Variants in TXNDC11 observed in about 807,000 individuals in gnomAD.
TXNDC11 encodes the protein thioredoxin domain-containing protein 11.
Under a neutral mutation model 78.0 loss-of-function variants are expected in TXNDC11, and 68 were observed. The observed-to-expected ratio is 0.87, with a 90% CI of 0.72 to 1.07. TXNDC11 has a LOEUF of 1.07. Among genes scored for constraint, TXNDC11 ranks in the 50% least tolerant of loss-of-function variants. TXNDC11 has a pLI of 0.00. For missense variants in TXNDC11, 1,389 were observed against 1,221.8 expected, an observed-to-expected ratio of 1.14 and a Z score of -2.04; for synonymous variants, 571 against 495.2, an observed-to-expected ratio of 1.15 and a Z score of -2.03.
intron 1 of TXNDC11, among the ~76,000 whole-genome samples, chr16:11,741,489 T>A (rs1296763102): frequency 6.6e-6 from 1 of 152,146 alleles, no homozygotes; most frequent in Non-Finnish European, 1.5e-5. Flanking sequence ...CCTCAGAAAC[T>A]CTGCATTTGC....
chr16:11,710,598 C>T (rs1461882785), intron 5 of TXNDC11, among the ~76,000 whole-genome samples: 2 of 152,254 alleles, frequency 1.3e-5, no homozygotes, highest in South Asian at 2.1e-4. Context: ...GCCTGTAATC[C>T]CAGCACTTTG....
intron 5 of TXNDC11, among the ~76,000 whole-genome samples, chr16:11,714,134 T>A (rs2051450828): frequency 6.6e-6 from 1 of 152,014 alleles, no homozygotes; most frequent in Non-Finnish European, 1.5e-5. Flanking sequence ...CCTGACTTCC[T>A]AGGTTCAAAC....
intron 5 of TXNDC11, among the ~76,000 whole-genome samples, chr16:11,706,400 G>A (rs968284674): frequency 9.8e-5 from 15 of 152,308 alleles, no homozygotes; most frequent in South Asian, 8.3e-4. Context: ...TGTGATCGTC[G>A]GCTACAAGGC....
intron 1 of TXNDC11, among the ~76,000 whole-genome samples, chr16:11,737,851 C>CAAAAAAAAAAAAAAAA (rs538318388): frequency 1.8e-5 from 1 of 54,182 alleles, no homozygotes; most frequent in African/African-American, 7.2e-5. Flanking sequence ...CTACGTCTCT[C>CAAAAAAAAAAAAAAAA]AAAAAAAAAA....
chr16:11,718,415 A>C (rs546106942), intron 5 of TXNDC11, among the ~76,000 whole-genome samples: 2 of 152,312 alleles, frequency 1.3e-5, no homozygotes, highest in South Asian at 2.1e-4. Context: ...ATATGTGTCA[A>C]ATGTTTCTCC....
chr16:11,724,027 G>A (rs1364688469), intron 4 of TXNDC11, among the ~76,000 whole-genome samples: 1 of 152,100 alleles, frequency 6.6e-6, no homozygotes, highest in Non-Finnish European at 1.5e-5. Context: ...TAAAAAAGAG[G>A]CCAGCAGCAC....
chr16:11,683,351 C>T (rs932816399), intron 11 of TXNDC11, among the ~76,000 whole-genome samples: 3 of 152,102 alleles, frequency 2.0e-5, no homozygotes, highest in Admixed American at 6.5e-5. Context: ...GCAGTCTGCA[C>T]GCATGGGAGA....
chr16:11,696,167 G>A (rs555983962), intron 7 of TXNDC11, among the ~76,000 whole-genome samples: 5 of 151,970 alleles, frequency 3.3e-5, no homozygotes, highest in Non-Finnish European at 5.9e-5. Flanking sequence ...CACAAAACCC[G>A]GCCTCCTTCC....
chr16:11,718,437 G>A (rs568157531), intron 5 of TXNDC11, among the ~76,000 whole-genome samples: 1 of 152,086 alleles, frequency 6.6e-6, no homozygotes, highest in African/African-American at 2.4e-5. Flanking sequence ...GCCTTGATCT[G>A]TACATACAAT....
At chr16:11,704,230 G>A (rs1009238351) in intron 5 of TXNDC11, among the ~76,000 whole-genome samples, 3 of 152,158 alleles carry the variant, frequency 2.0e-5, no homozygotes, top group Admixed American at 6.5e-5. Context: ...ACAGTACACA[G>A]AATAAGATAA....
chr16:11,727,652 A>C (rs12919035), intron 4 of TXNDC11, among the ~76,000 whole-genome samples: 1 of 148,566 alleles, frequency 6.7e-6, no homozygotes, highest in African/African-American at 2.5e-5. Context: ...CCTAGCTATA[A>C]TTTCCACCCG....
At chr16:11,716,837 A>T (rs2051540195) in intron 5 of TXNDC11, among the ~76,000 whole-genome samples, 1 of 152,216 alleles carries the variant, frequency 6.6e-6, no homozygotes, top group Non-Finnish European at 1.5e-5. Context: ...CAAAGTAAGA[A>T]CTTAGATTAT....
intron 11 of TXNDC11, among the ~76,000 whole-genome samples, chr16:11,683,374 A>G (rs1818586154): frequency 6.6e-6 from 1 of 152,172 alleles, no homozygotes; most frequent in Non-Finnish European, 1.5e-5. Context: ...ACCCCTTTGT[A>G]GGCCTCCTGG....
At chr16:11,680,372 C>T (rs983886693) in intron 11 of TXNDC11, among the ~76,000 whole-genome samples, 5 of 152,226 alleles carry the variant, frequency 3.3e-5, no homozygotes, top group Non-Finnish European at 5.9e-5. Context: ...GACTGTACCC[C>T]CATTCCCCAG....
At chr16:11,708,378 T>C (rs1382387896) in intron 5 of TXNDC11, among the ~76,000 whole-genome samples, 3 of 152,210 alleles carry the variant, frequency 2.0e-5, no homozygotes, top group Non-Finnish European at 2.9e-5. Flanking sequence ...AAAGTGGGGC[T>C]CTAGACCTAT....
At chr16:11,724,983 G>A (rs549999151) in intron 4 of TXNDC11, among the ~76,000 whole-genome samples, 3 of 152,262 alleles carry the variant, frequency 2.0e-5, no homozygotes, top group African/African-American at 7.2e-5. Flanking sequence ...CTGACCTCAT[G>A]ATCTGCCCGC....
chr16:11,700,756 C>T (rs2050990765), intron 5 of TXNDC11, among the ~76,000 whole-genome samples, 192 bp from the exon 6 acceptor site: 1 of 152,208 alleles, frequency 6.6e-6, no homozygotes, highest in Non-Finnish European at 1.5e-5. Context: ...AGATGTCAAG[C>T]CTGCTTCTGA....
In TXNDC11 at chr16:11,736,241, A is replaced by G. The variant is rs949819722; in HGVS notation, c.255-8T>C. The G allele has an allele frequency of 5.0e-6, 8 of 1,590,502 alleles. No individual in the cohort carries two copies. In the African/African-American group the frequency reaches 1.1e-4, roughly 21 times the overall value. Reference sequence around the variant, plus strand: ...ATCACATCTTTTGCTCGACTAAAAAAGAGCAAACACAGAAAAGATTGCTTA... The same window carrying G: ...ATCACATCTTTTGCTCGACTAAAAAGGAGCAAACACAGAAAAGATTGCTTA... On this transcript the variant is annotated splice_region_variant and splice_polypyrimidine_tract_variant and intron_variant, in intron 1 of 11. Transcript: ENST00000283033.
chr16:11,680,420 A>C (rs536602782), intron 11 of TXNDC11, among the ~76,000 whole-genome samples: 2 of 152,364 alleles, frequency 1.3e-5, no homozygotes, highest in South Asian at 4.1e-4. Context: ...GATAACTGGC[A>C]AACAGCCCAA....
Sources: gnomAD v4.1 joint callset for allele counts (sites outside exome capture counted in the v4.1 genomes callset) on GRCh38, gnomAD v4.1.1 for gene constraint, MANE v1.5 for transcripts, NCBI Gene and HGNC (gene_info 2026-07-23, HGNC 2026-07-21) for gene names.